STIM1: variants seen among roughly 807,000 people sequenced by gnomAD.
The protein encoded by STIM1 is stromal interaction molecule 1.
In STIM1, 25 loss-of-function variants were observed where a neutral mutation model predicts 74.7. The observed-to-expected ratio is 0.33, with a 90% CI of 0.24 to 0.47. The LOEUF (loss-of-function observed/expected upper bound fraction) is 0.47, where lower values mean the gene tolerates loss of function less well. Among genes scored for constraint, STIM1 ranks in the 20% least tolerant of loss-of-function variants. The pLI is 1.00. For synonymous variants in STIM1, 328 were observed against 348.8 expected, an observed-to-expected ratio of 0.94 and a Z score of 0.66; for missense variants, 728 against 920.8, an observed-to-expected ratio of 0.79 and a Z score of 2.71.
chr11:4,035,376 T>C (rs1474542800), intron 3 of STIM1, among the ~76,000 whole-genome samples: 1 of 152,066 alleles, frequency 6.6e-6, no homozygotes, highest in Non-Finnish European at 1.5e-5. Context: ...TTACTTTTTT[T>C]CCTGATATAA....
At chr11:4,073,417 A>G (rs2094417744) in intron 6 of STIM1, among the ~76,000 whole-genome samples, 1 of 152,326 alleles carries the variant, frequency 6.6e-6, no homozygotes, top group Admixed American at 6.5e-5. Flanking sequence ...AAGACCTTAT[A>G]TATCTATATC....
At chr11:3,895,295 A>G (rs1590536645) in intron 1 of STIM1, among the ~76,000 whole-genome samples, 1 of 152,238 alleles carries the variant, frequency 6.6e-6, no homozygotes, top group East Asian at 1.9e-4. Flanking sequence ...TCCTTCTCCT[A>G]GTGACAGTGC....
chr11:3,996,539 C>T (rs1383805603), intron 2 of STIM1, among the ~76,000 whole-genome samples: 1 of 152,194 alleles, frequency 6.6e-6, no homozygotes, highest in Non-Finnish European at 1.5e-5. Flanking sequence ...AGGCAGCTAA[C>T]CCTTTAACAG....
chr11:3,932,111 G>A (rs1408023544), intron 1 of STIM1, among the ~76,000 whole-genome samples: 1 of 152,100 alleles, frequency 6.6e-6, no homozygotes, highest in Non-Finnish European at 1.5e-5. Context: ...TGTTCAGCCC[G>A]CCACTACTGG....
At chr11:4,050,514 T>G (rs1014532702) in intron 3 of STIM1, among the ~76,000 whole-genome samples, 1 of 152,254 alleles carries the variant, frequency 6.6e-6, no homozygotes, top group African/African-American at 2.4e-5. Context: ...ATTTGTCTTT[T>G]TGAATTGCAA....
At chr11:4,013,078 T>A (rs1247049532) in intron 2 of STIM1, among the ~76,000 whole-genome samples, 1 of 152,248 alleles carries the variant, frequency 6.6e-6, no homozygotes, top group Non-Finnish European at 1.5e-5. Flanking sequence ...TGAAGCCAAC[T>A]TGATCATGGT....
chr11:3,911,580 T>C (rs985857177), intron 1 of STIM1, among the ~76,000 whole-genome samples: 1 of 151,646 alleles, frequency 6.6e-6, no homozygotes, highest in African/African-American at 2.4e-5. Flanking sequence ...AGAGACGGGG[T>C]CTCCTTCTGT....
Position 4,063,234 on chromosome 11 carries a change from G to T in STIM1, c.613+3838G>T, listed in dbSNP as rs2094343481. On this transcript the variant is annotated intron_variant, in intron 5 of 12. Coordinates refer to ENST00000526596, the MANE Select transcript of STIM1 (RefSeq NM_001382567.1). ...ACCTTGTGAATATAGTACAATCATT[G>T]AATTGCCCATTTTAAGAGAGAGACT... Among the ~76,000 whole-genome samples, 3 of 152,166 alleles carry T rather than the reference G, an allele frequency of 2.0e-5. No individual in the cohort carries two copies. In the South Asian group the frequency reaches 6.2e-4, roughly 32 times the overall value.
intron 1 of STIM1, among the ~76,000 whole-genome samples, chr11:3,895,628 TTC>T (rs2092052704): frequency 2.0e-4 from 1 of 4,966 alleles, no homozygotes; most frequent in African/African-American, 3.8e-4. Context: ...CTTTCTTTCT[TTC>T]TTTCTTTCTT....
chr11:3,914,030 G>A (rs2092605660), intron 1 of STIM1, among the ~76,000 whole-genome samples: 1 of 151,872 alleles, frequency 6.6e-6, no homozygotes, highest in Admixed American at 6.6e-5. Flanking sequence ...TTTAATTACA[G>A]TAATTACACT....
chr11:3,966,198 G>A (rs182606105), intron 1 of STIM1, among the ~76,000 whole-genome samples: 1 of 152,294 alleles, frequency 6.6e-6, no homozygotes, highest in African/African-American at 2.4e-5. Context: ...GCAGACTTGG[G>A]CTCTCACTGT....
intron 4 of STIM1, 31 bp from the exon 5 acceptor site, chr11:4,059,250 G>A: frequency 6.3e-7 from 1 of 1,584,522 alleles, no homozygotes. Context: ...TTACTGGGAG[G>A]GAACTGATCT....
intron 3 of STIM1, among the ~76,000 whole-genome samples, chr11:4,048,832 C>T (rs550145227): frequency 1.4e-3 from 209 of 152,146 alleles, no homozygotes; most frequent in African/African-American, 4.4e-3. Flanking sequence ...CTCCCGAGTT[C>T]AAGCAATTCT....
At chr11:3,911,652 G>T (rs568921655) in intron 1 of STIM1, among the ~76,000 whole-genome samples, 97 of 152,138 alleles carry the variant, frequency 6.4e-4, no homozygotes, top group African/African-American at 2.3e-3. Flanking sequence ...CTCCCACAGT[G>T]TTGGGTGTGA....
At chr11:3,950,998 G>A (rs544176955) in intron 1 of STIM1, among the ~76,000 whole-genome samples, 2 of 152,332 alleles carry the variant, frequency 1.3e-5, no homozygotes, top group East Asian at 3.9e-4. Context: ...CTAGAACAGA[G>A]ACAGGGCGAA....
intron 1 of STIM1, among the ~76,000 whole-genome samples, chr11:3,962,614 A>G (rs929061429): frequency 6.6e-6 from 1 of 152,026 alleles, no homozygotes; most frequent in Non-Finnish European, 1.5e-5. Context: ...ATCCTTTCTT[A>G]TCCTTTGGCT....
chr11:3,857,419 T>A (rs189009312), intron 1 of STIM1, among the ~76,000 whole-genome samples: 1 of 151,196 alleles, frequency 6.6e-6, no homozygotes, highest in Non-Finnish European at 1.5e-5. Context: ...CCTGGCTAAC[T>A]TTTTTTTTCT....
intron 1 of STIM1, among the ~76,000 whole-genome samples, chr11:3,940,017 T>C (rs1022205160): frequency 1.3e-5 from 2 of 152,258 alleles, no homozygotes; most frequent in African/African-American, 4.8e-5. Flanking sequence ...GGGATCTTCA[T>C]ATCATTGCTG....
chr11:3,882,288 G>A lies in STIM1; in HGVS notation c.139+25879G>A, dbSNP rs143831349. ...CTAATTTTGCAGTTTTAGTAGAGAC[G>A]GGGTTTCTCCATGTTGGCCAGGCTG... On this transcript the variant is annotated intron_variant, in intron 1 of 12. Coordinates refer to ENST00000526596, the MANE Select transcript of STIM1 (RefSeq NM_001382567.1). Among the ~76,000 whole-genome samples the A allele has an allele frequency of 9.7e-3, 1,458 of 151,036 alleles. 32 individuals carry two copies. The highest frequency in any genetic ancestry group is 0.052 in the East Asian group (263 of 5,070).
Sources: gnomAD v4.1 joint callset for allele counts (sites outside exome capture counted in the v4.1 genomes callset) on GRCh38, gnomAD v4.1.1 for gene constraint, MANE v1.5 for transcripts, NCBI Gene and HGNC (gene_info 2026-07-23, HGNC 2026-07-21) for gene names.